AHCYL2: variants seen among roughly 807,000 people sequenced by gnomAD.
The protein encoded by AHCYL2 is adenosylhomocysteinase like 2, also known as S-adenosylhomocysteine hydrolase-like protein 2.
In AHCYL2, 28 loss-of-function variants were observed where a neutral mutation model predicts 81.4. The ratio of observed to expected loss-of-function variants is 0.34; its 90% CI spans 0.25 to 0.47. AHCYL2 has a LOEUF of 0.47. Among genes scored for constraint, AHCYL2 ranks in the 20% least tolerant of loss-of-function variants. AHCYL2 has a pLI of 1.00. For synonymous variants in AHCYL2, 272 were observed against 290.2 expected (o/e 0.94, Z 0.64); for missense variants, 551 against 785.1 (o/e 0.70, Z 3.56).
At chr7:129,254,157 T>TG (rs1328806695) in intron 1 of AHCYL2, among the ~76,000 whole-genome samples, 1 of 152,112 alleles carries the variant, frequency 6.6e-6, no homozygotes, top group Non-Finnish European at 1.5e-5. Flanking sequence ...ATAGTGGAAG[T>TG]GGGGAAGAAA....
chr7:129,411,071 T>C (rs1796550556), intron 11 of AHCYL2, among the ~76,000 whole-genome samples: 1 of 141,344 alleles, frequency 7.1e-6, no homozygotes, highest in African/African-American at 2.5e-5. Context: ...AGCCTGGACC[T>C]TTTTTTTTTT....
At chr7:129,299,960 T>C (rs1299932241) in intron 1 of AHCYL2, among the ~76,000 whole-genome samples, 1 of 152,214 alleles carries the variant, frequency 6.6e-6, no homozygotes. Flanking sequence ...CTGGAAATTT[T>C]ATACATACAG....
intron 1 of AHCYL2, among the ~76,000 whole-genome samples, chr7:129,310,033 C>T (rs756588807): frequency 6.6e-6 from 1 of 151,954 alleles, no homozygotes; most frequent in East Asian, 1.9e-4. Context: ...CCTTTCTGTC[C>T]CAGAGGAAGA....
At chr7:129,261,005 G>A (rs1391245383) in intron 1 of AHCYL2, among the ~76,000 whole-genome samples, 1 of 152,104 alleles carries the variant, frequency 6.6e-6, no homozygotes, top group Non-Finnish European at 1.5e-5. Context: ...GGGCAGGCTG[G>A]TCTCGAACTC....
At chr7:129,247,970 T>C (rs1795118897) in intron 1 of AHCYL2, among the ~76,000 whole-genome samples, 1 of 152,166 alleles carries the variant, frequency 6.6e-6, no homozygotes, top group South Asian at 2.1e-4. Flanking sequence ...TTTTATCTCC[T>C]TTGTTTTCGT....
intron 1 of AHCYL2, among the ~76,000 whole-genome samples, chr7:129,356,252 A>G (rs545684710): frequency 2.0e-5 from 3 of 152,306 alleles, no homozygotes; most frequent in African/African-American, 7.2e-5. Flanking sequence ...TTTCCCTTGA[A>G]TGTAAGAGTT....
intron 1 of AHCYL2, among the ~76,000 whole-genome samples, chr7:129,304,608 A>G (rs1182896891): frequency 1.3e-5 from 2 of 152,168 alleles, no homozygotes; most frequent in Non-Finnish European, 2.9e-5. Context: ...TTCTTGCTGA[A>G]TTAACCCCTT....
intron 12 of AHCYL2, among the ~76,000 whole-genome samples, chr7:129,418,902 G>A (rs1796983872): frequency 6.6e-6 from 1 of 152,208 alleles, no homozygotes; most frequent in Non-Finnish European, 1.5e-5. Context: ...GATACATTGT[G>A]ACCAATGGAA....
intron 1 of AHCYL2, among the ~76,000 whole-genome samples, chr7:129,269,822 T>A (rs1051217285): frequency 6.6e-6 from 1 of 152,358 alleles, no homozygotes; most frequent in East Asian, 1.9e-4. Flanking sequence ...CATGCTTATA[T>A]CCTTATCACT....
At chr7:129,274,533 G>A (rs1347312905) in intron 1 of AHCYL2, among the ~76,000 whole-genome samples, 1 of 152,188 alleles carries the variant, frequency 6.6e-6, no homozygotes, top group Non-Finnish European at 1.5e-5. Context: ...TTGCTATTCA[G>A]TGGTGGAGTC....
chr7:129,382,151 G>C (rs1794985329), intron 2 of AHCYL2, among the ~76,000 whole-genome samples: 1 of 152,170 alleles, frequency 6.6e-6, no homozygotes, highest in Admixed American at 6.5e-5. Flanking sequence ...ACAGACAATG[G>C]AAAGTTATAT....
chr7:129,405,652 T>C, intron 8 of AHCYL2, 184 bp from the exon 9 acceptor site: 1 of 519,176 alleles, frequency 1.9e-6, no homozygotes, highest in Admixed American at 3.6e-5. Flanking sequence ...ACAGGTCTTT[T>C]AGAATTTGTC....
intron 1 of AHCYL2, among the ~76,000 whole-genome samples, chr7:129,302,257 T>A (rs1026837708): frequency 6.6e-6 from 1 of 152,196 alleles, no homozygotes. Flanking sequence ...TCTAATAGGT[T>A]TTTGGTGGCG....
At chr7:129,268,393 G>A (rs1795890618) in intron 1 of AHCYL2, among the ~76,000 whole-genome samples, 1 of 152,050 alleles carries the variant, frequency 6.6e-6, no homozygotes, top group African/African-American at 2.4e-5. Flanking sequence ...TGTTGCCCAG[G>A]CTGGAGTGCA....
chr7:129,304,424 A>G (rs935447041), intron 1 of AHCYL2, among the ~76,000 whole-genome samples: 2 of 152,192 alleles, frequency 1.3e-5, no homozygotes, highest in Admixed American at 6.5e-5. Context: ...GATTAAGTCC[A>G]GTGTTTCTTT....
chr7:129,284,619 A>AAAG (rs1796563472), intron 1 of AHCYL2, among the ~76,000 whole-genome samples: 1 of 151,098 alleles, frequency 6.6e-6, no homozygotes, highest in Non-Finnish European at 1.5e-5. Flanking sequence ...AAAAAAAAAA[A>AAAG]GCTTGGAATA....
intron 1 of AHCYL2, among the ~76,000 whole-genome samples, chr7:129,371,022 C>T (rs11772187): frequency 0.21 from 32,712 of 152,208 alleles, 4,129 homozygotes; most frequent in Non-Finnish European, 0.28. Context: ...GAAAGCTAAC[C>T]TCTGAGCACC....
At chr7:129,244,483 G>T (rs1485236987) in intron 1 of AHCYL2, among the ~76,000 whole-genome samples, 1 of 152,166 alleles carries the variant, frequency 6.6e-6, no homozygotes, top group East Asian at 1.9e-4. Flanking sequence ...CATGGTTCTG[G>T]AGGCTGGGAG....
At chr7:129,401,385 G>A (rs1437799728) in intron 6 of AHCYL2, among the ~76,000 whole-genome samples, 1 of 148,004 alleles carries the variant, frequency 6.8e-6, no homozygotes, top group Non-Finnish European at 1.5e-5. Flanking sequence ...CTCCTATTTT[G>A]CAAATAATTC....
Sources: gnomAD v4.1 joint callset for allele counts (sites outside exome capture counted in the v4.1 genomes callset) on GRCh38, gnomAD v4.1.1 for gene constraint, MANE v1.5 for transcripts, NCBI Gene and HGNC (gene_info 2026-07-23, HGNC 2026-07-21) for gene names.